The following FSIP1 variants were observed in gnomAD, a reference collection of about 807,000 sequenced individuals.
FSIP1 encodes the protein fibrous sheath interacting protein 1, also known as fibrous sheath-interacting protein 1.
A neutral mutation model predicts 60.9 loss-of-function variants in FSIP1; 65 were observed. The observed-to-expected ratio is 1.07, with a 90% CI of 0.87 to 1.31. The LOEUF is 1.31. Ranked by LOEUF, FSIP1 falls within the 40% of genes most tolerant of loss-of-function variation. The pLI is 0.00. For synonymous variants in FSIP1, 209 were observed against 221.2 expected (o/e 0.94, Z 0.49); for missense variants, 675 against 665.5 (o/e 1.01, Z -0.16).
chr15:39,603,132 C>T (rs1890700545), intron 11 of FSIP1, among the ~76,000 whole-genome samples: 1 of 152,150 alleles, frequency 6.6e-6, no homozygotes, highest in Non-Finnish European at 1.5e-5. Flanking sequence ...GCTAACAGTG[C>T]TGAGGTGAAA....
chr15:39,658,737 G>C (rs1893173311), intron 10 of FSIP1, among the ~76,000 whole-genome samples: 1 of 152,136 alleles, frequency 6.6e-6, no homozygotes. Flanking sequence ...TTTAGAAGTT[G>C]TATTAAAAGT....
chr15:39,757,876 C>T (rs988042580), intron 5 of FSIP1, among the ~76,000 whole-genome samples: 5 of 152,112 alleles, frequency 3.3e-5, no homozygotes, highest in East Asian at 3.9e-4. Flanking sequence ...TTTCCTTTTA[C>T]GTTGACCCTA....
chr15:39,705,879 T>G (rs1252377215), intron 10 of FSIP1, among the ~76,000 whole-genome samples: 2 of 151,494 alleles, frequency 1.3e-5, no homozygotes, highest in Non-Finnish European at 2.9e-5. Context: ...ATGCCTGTAG[T>G]CCCAGCTACT....
At chr15:39,659,663 C>T (rs965934307) in intron 10 of FSIP1, among the ~76,000 whole-genome samples, 1 of 138,910 alleles carries the variant, frequency 7.2e-6, no homozygotes, top group African/African-American at 2.6e-5. Context: ...TTTTCAAATC[C>T]TTCCTGAACT....
intron 10 of FSIP1, among the ~76,000 whole-genome samples, chr15:39,668,307 T>C (rs978434219): frequency 1.3e-5 from 2 of 152,198 alleles, no homozygotes; most frequent in Non-Finnish European, 1.5e-5. Flanking sequence ...TCGCCTTTTT[T>C]GTGAAGTCCC....
chr15:39,641,144 C>T (rs1892352907), intron 10 of FSIP1, among the ~76,000 whole-genome samples: 1 of 151,954 alleles, frequency 6.6e-6, no homozygotes. Context: ...AAAGATGCTT[C>T]AAATAGCCAT....
intron 5 of FSIP1, among the ~76,000 whole-genome samples, chr15:39,747,802 T>C (rs573517696): frequency 6.6e-6 from 1 of 152,312 alleles, no homozygotes; most frequent in South Asian, 2.1e-4. Flanking sequence ...TGTGTATATA[T>C]GGGTATTGGC....
chr15:39,703,152 T>C (rs1259909704), intron 10 of FSIP1, among the ~76,000 whole-genome samples: 3 of 152,072 alleles, frequency 2.0e-5, no homozygotes, highest in Non-Finnish European at 1.5e-5. Flanking sequence ...CCGGCTAATT[T>C]TGTATTTTTA....
Position 39,738,095 on chromosome 15 carries a change from G to T in FSIP1, c.887C>A (p.Ser296Tyr). Residue 296 changes from serine (S) to tyrosine (Y), a missense_variant, in exon 8 of 12, where the codon TCT becomes TAT. Ser to Tyr is a moderately radical substitution (Grantham distance 144). Coordinates refer to ENST00000350221, the MANE Select transcript of FSIP1 (RefSeq NM_152597.5). The stretch of plus-strand genomic sequence containing the variant: ...TCCCTATCAGAGTTTACGTACCTCA[G>T]AACTGGAGAGCCCGGAATCTTTCTC... Reference protein sequence around the residue: ...LDEKDSGLSSSEGDQSGWVVP... With the variant: ...LDEKDSGLSSYEGDQSGWVVP... 1 of 1,600,216 alleles carries T rather than the reference G, an allele frequency of 6.2e-7. No homozygotes were observed. Among genetic ancestry groups the T allele is most frequent in the Non-Finnish European group, 8.6e-7 (1 of 1,169,266 alleles).
At chr15:39,619,776 A>G (rs1247350331) in intron 10 of FSIP1, among the ~76,000 whole-genome samples, 1 of 152,140 alleles carries the variant, frequency 6.6e-6, no homozygotes, top group Non-Finnish European at 1.5e-5. Flanking sequence ...ACAATTCCCT[A>G]CGATTTAGAA....
rs780407277 is a variant in FSIP1 at position 39,617,734 on chromosome 15, C to T, written c.1699+1G>A. 3 of 1,606,240 alleles carry T rather than the reference C, an allele frequency of 1.9e-6. No individual in the cohort carries two copies. ...CAAAACACATGTTCGCCAAGCCTCA[C>T]CTGCTATTGTATTCTCTGGAGAACT... On this transcript the variant is annotated splice_donor_variant, in intron 11 of 11. Transcript: ENST00000350221. LOFTEE classifies it high-confidence loss of function.
At chr15:39,653,399 A>G (rs1410285921) in intron 10 of FSIP1, among the ~76,000 whole-genome samples, 3 of 152,186 alleles carry the variant, frequency 2.0e-5, no homozygotes, top group Non-Finnish European at 4.4e-5. Flanking sequence ...TCAGCTTAAC[A>G]TAACTTTTTT....
intron 8 of FSIP1, among the ~76,000 whole-genome samples, chr15:39,733,029 T>G (rs536993849): frequency 3.9e-4 from 60 of 152,290 alleles, no homozygotes; most frequent in African/African-American, 1.4e-3. Flanking sequence ...GAAAGAACTC[T>G]CAGTAAATAT....
chr15:39,721,298 G>C (rs1192552556), intron 9 of FSIP1, among the ~76,000 whole-genome samples: 1 of 152,184 alleles, frequency 6.6e-6, no homozygotes, highest in Non-Finnish European at 1.5e-5. Flanking sequence ...GAAAGTCTAT[G>C]TTTCAACTTG....
intron 10 of FSIP1, among the ~76,000 whole-genome samples, chr15:39,626,233 A>T (rs183862875): frequency 1.8e-3 from 273 of 152,278 alleles, no homozygotes; most frequent in Admixed American, 8.8e-3. Context: ...TATCATCTAA[A>T]CTTCACAATT....
intron 10 of FSIP1, among the ~76,000 whole-genome samples, chr15:39,618,550 C>G (rs1456423220): frequency 2.0e-5 from 3 of 152,140 alleles, no homozygotes; most frequent in Non-Finnish European, 4.4e-5. Context: ...GGATTCAGCA[C>G]TCCCATGTCT....
chr15:39,743,983 C>T (rs1323203121), intron 5 of FSIP1, among the ~76,000 whole-genome samples: 2 of 152,126 alleles, frequency 1.3e-5, no homozygotes, highest in African/African-American at 4.8e-5. Flanking sequence ...TGAGATTTTT[C>T]TTTTGCTATA....
intron 10 of FSIP1, among the ~76,000 whole-genome samples, chr15:39,674,681 A>C (rs748971177): frequency 4.6e-5 from 7 of 152,236 alleles, no homozygotes; most frequent in Non-Finnish European, 1.0e-4. Context: ...TTACACAAAA[A>C]TTAACTCCAG....
At chr15:39,680,454 T>C (rs61614874) in intron 10 of FSIP1, among the ~76,000 whole-genome samples, 4,912 of 152,292 alleles carry the variant, frequency 0.032, 256 homozygotes, top group African/African-American at 0.11. Context: ...TTCCCAGCCT[T>C]CCTTGCTGCT....
Sources: gnomAD v4.1 joint callset for allele counts (sites outside exome capture counted in the v4.1 genomes callset) on GRCh38, gnomAD v4.1.1 for gene constraint, MANE v1.5 for transcripts, NCBI Gene and HGNC (gene_info 2026-07-23, HGNC 2026-07-21) for gene names.